The following LRP12 variants were observed in gnomAD, a reference collection of about 807,000 sequenced individuals.
The protein encoded by LRP12 is low-density lipoprotein receptor-related protein 12.
LRP12 carries 14 observed loss-of-function variants against 66.0 expected under a neutral mutation model. The ratio of observed to expected loss-of-function variants is 0.21; its 90% CI spans 0.14 to 0.33. LRP12 has a LOEUF of 0.33. Ranked by LOEUF, LRP12 falls within the 10% of genes least tolerant of loss-of-function variation. The pLI is 1.00. For missense variants in LRP12, 889 were observed against 1,053.4 expected (o/e 0.84, Z 2.16); for synonymous variants, 357 against 359.1 (o/e 0.99, Z 0.07).
At chr8:104,501,900 G>A (rs745630695) in intron 3 of LRP12, among the ~76,000 whole-genome samples, 1 of 151,872 alleles carries the variant, frequency 6.6e-6, no homozygotes, top group Non-Finnish European at 1.5e-5. Context: ...AAGATATCTT[G>A]GTGTTTCCAA....
At chr8:104,513,524 T>G (rs1189854675) in intron 2 of LRP12, among the ~76,000 whole-genome samples, 1 of 152,122 alleles carries the variant, frequency 6.6e-6, no homozygotes, top group Non-Finnish European at 1.5e-5. Context: ...TGACCTTATC[T>G]CCACAGAAAC....
intron 2 of LRP12, among the ~76,000 whole-genome samples, chr8:104,515,955 T>C (rs975427740): frequency 2.0e-5 from 3 of 152,240 alleles, no homozygotes; most frequent in African/African-American, 7.2e-5. Flanking sequence ...GGTCTCCCTA[T>C]GTTGCCCAGG....
intron 1 of LRP12, among the ~76,000 whole-genome samples, chr8:104,586,873 G>A (rs1812341669): frequency 6.6e-6 from 1 of 151,866 alleles, no homozygotes; most frequent in African/African-American, 2.4e-5. Flanking sequence ...TGTGGCTTGA[G>A]ACATCAACCT....
Position 104,589,062 on chromosome 8 carries a change from G to C in LRP12, c.-165C>G, listed in dbSNP as rs1427081763. ...GAGGGGGAAGGGAGGGGCCGCCGCCGCCCGCGCGCGCTCCCTCCTCCCTCC... is the reference window on the plus strand; with the variant it reads ...GAGGGGGAAGGGAGGGGCCGCCGCCCCCCGCGCGCGCTCCCTCCTCCCTCC... On this transcript the variant is annotated 5_prime_UTR_variant, in exon 1 of 7. Coordinates refer to ENST00000276654, the MANE Select transcript of LRP12 (RefSeq NM_013437.5). The C allele has an allele frequency of 3.2e-6, 1 of 314,518 alleles. No individual in the cohort carries two copies. Among genetic ancestry groups the C allele is most frequent in the Non-Finnish European group, 5.7e-6 (1 of 174,982 alleles). 19.5% of individuals were successfully genotyped at this position (314,518 alleles called of 1,614,324 possible). A position where few individuals can be genotyped will look rare whatever the true frequency, so the allele number is the denominator to read the frequency against.
rs540702480 is a variant in LRP12, at chr8:104,571,634, T to C, written c.79+17185A>G. ...AGGCCTCCCCAGCCATGCTGAACTA[T>C]GAGTCAACCAAATCTCTTTCCTTTA... On this transcript the variant is annotated intron_variant, in intron 1 of 6. Transcript: ENST00000276654. Among the ~76,000 whole-genome samples, 5 of 152,322 alleles carry C rather than the reference T, an allele frequency of 3.3e-5. No individual in the cohort carries two copies. The East Asian group carries it at 9.7e-4, about 29-fold the overall frequency.
intron 2 of LRP12, among the ~76,000 whole-genome samples, chr8:104,525,759 T>G (rs1260412729): frequency 2.0e-5 from 3 of 152,136 alleles, no homozygotes; most frequent in Non-Finnish European, 2.9e-5. Context: ...GCATTCCCTT[T>G]GAAAACTGGC....
Position 104,490,630 on chromosome 8 carries a change from T to C in LRP12, c.*43A>G, listed in dbSNP as rs1377180712. ...GTAAAGTTACAAAATAATAAATGGATATTGCTCCAACTTGTATACAATCTC... is the reference window on the plus strand; with the variant it reads ...GTAAAGTTACAAAATAATAAATGGACATTGCTCCAACTTGTATACAATCTC... On this transcript the variant is annotated 3_prime_UTR_variant, in exon 7 of 7. Coordinates refer to ENST00000276654, the MANE Select transcript of LRP12 (RefSeq NM_013437.5). 2.0e-6 allele frequency: 3 copies of C among 1,529,580 alleles called. No individual in the cohort carries two copies. In the South Asian group the frequency reaches 3.9e-5, roughly 20 times the overall value. The allele number at this position is 1,529,580 out of a possible 1,614,324, so 94.8% of individuals were successfully genotyped here.
At chr8:104,569,754 C>T (rs1812051675) in intron 1 of LRP12, among the ~76,000 whole-genome samples, 1 of 152,006 alleles carries the variant, frequency 6.6e-6, no homozygotes, top group South Asian at 2.1e-4. Flanking sequence ...TGATGGAAAA[C>T]AGGCAAGCAC....
intron 2 of LRP12, among the ~76,000 whole-genome samples, chr8:104,512,646 A>G (rs1224556574): frequency 6.6e-6 from 1 of 152,190 alleles, no homozygotes; most frequent in Admixed American, 6.5e-5. Flanking sequence ...CTAAATCGAT[A>G]GAATAATTAT....
rs368762253 is a variant in LRP12 at position 104,561,303 on chromosome 8, T to C, written c.79+27516A>G. Among the ~76,000 whole-genome samples, 6 of 152,332 alleles carry C rather than the reference T, an allele frequency of 3.9e-5. No individual in the cohort carries two copies. The East Asian group carries it at 9.6e-4, about 24-fold the overall frequency. ...GCTTATGCTGTATGTTTCATACGTA[T>C]GACAGAAGAAGACATACACTGTCTC... On this transcript the variant is annotated intron_variant, in intron 1 of 6. Coordinates refer to ENST00000276654, the MANE Select transcript of LRP12 (RefSeq NM_013437.5).
chr8:104,499,740 A>G (rs948716809), intron 3 of LRP12, among the ~76,000 whole-genome samples: 2 of 152,188 alleles, frequency 1.3e-5, no homozygotes, highest in African/African-American at 4.8e-5. Context: ...CTTCACAAGT[A>G]ATGCTAGGTT....
At chr8:104,548,287 TC>T (rs1564142032) in intron 1 of LRP12, among the ~76,000 whole-genome samples, 32 of 77,912 alleles carry the variant, frequency 4.1e-4, no homozygotes, top group Admixed American at 6.6e-4. Flanking sequence ...TATTAATATA[TC>T]ATATATTTAT....
intron 1 of LRP12, among the ~76,000 whole-genome samples, chr8:104,582,687 AATTT>A (rs1812270716): frequency 6.6e-6 from 1 of 152,064 alleles, no homozygotes; most frequent in South Asian, 2.1e-4. Context: ...CTCCCCTTGT[AATTT>A]AAGTCCATCT....
At chr8:104,518,176 T>C (rs1811098158) in intron 2 of LRP12, among the ~76,000 whole-genome samples, 1 of 152,124 alleles carries the variant, frequency 6.6e-6, no homozygotes, top group Non-Finnish European at 1.5e-5. Flanking sequence ...GTAAGTATCA[T>C]TAAAGTGAAG....
At chr8:104,548,187 T>C (rs1374906924) in intron 1 of LRP12, among the ~76,000 whole-genome samples, 5 of 103,736 alleles carry the variant, frequency 4.8e-5, no homozygotes, top group Admixed American at 1.4e-4. Flanking sequence ...ATATATAATA[T>C]ATATATAAAT....
At chr8:104,516,165 T>C (rs16871528) in intron 2 of LRP12, among the ~76,000 whole-genome samples, 4,658 of 152,250 alleles carry the variant, frequency 0.031, 235 homozygotes, top group African/African-American at 0.11. Flanking sequence ...TTCTCTACTT[T>C]TTATAAATTT....
intron 2 of LRP12, among the ~76,000 whole-genome samples, chr8:104,513,990 A>G (rs532407821): frequency 6.6e-6 from 1 of 152,256 alleles, no homozygotes; most frequent in South Asian, 2.1e-4. Flanking sequence ...AATCTACATC[A>G]TCTCAGGCAG....
intron 2 of LRP12, among the ~76,000 whole-genome samples, chr8:104,530,563 A>AG (rs796465293): frequency 4.3e-4 from 65 of 152,298 alleles, no homozygotes; most frequent in African/African-American, 1.5e-3. Context: ...CAGAACTGTG[A>AG]GAAAAACTGA....
intron 1 of LRP12, among the ~76,000 whole-genome samples, chr8:104,547,611 T>A (rs1323692005): frequency 8.0e-6 from 1 of 124,368 alleles, no homozygotes; most frequent in African/African-American, 3.2e-5. Flanking sequence ...ATTATTAATA[T>A]ATAATATATT....
Sources: allele counts gnomAD v4.1 joint callset (sites outside exome capture counted in the v4.1 genomes callset), GRCh38; gene constraint gnomAD v4.1.1; transcripts MANE v1.5; gene names NCBI Gene and HGNC (gene_info 2026-07-23, HGNC 2026-07-21).